The following REL variants were observed in gnomAD, a reference collection of about 807,000 sequenced individuals.
REL encodes the protein REL proto-oncogene, NF-kB subunit.
In REL, 15 loss-of-function variants were observed where a neutral mutation model predicts 45.9. That is an observed-to-expected ratio of 0.33 (90% CI 0.22 to 0.50). The LOEUF (loss-of-function observed/expected upper bound fraction) is 0.50. REL is among the 20% of genes least tolerant of loss of function. REL has a pLI of 0.98. For missense variants in REL, 601 were observed against 715.2 expected (o/e 0.84, Z 1.82); for synonymous variants, 239 against 242.1 (o/e 0.99, Z 0.12).
At chr2:60,920,511 A>G in intron 8 of REL, 63 bp from the exon 9 acceptor site, 1 of 1,346,396 alleles carries the variant, frequency 7.4e-7, no homozygotes, top group Admixed American at 1.7e-5. Context: ...AGTTTTTCAG[A>G]TTTTAACTGA....
At position 60,918,736 on chromosome 2, in the gene REL, TG is replaced by T. The variant is rs1674051961; in HGVS notation, c.853+131del. 6 of 694,920 alleles carry T rather than the reference TG, an allele frequency of 8.6e-6. No homozygotes were observed. In the South Asian group the frequency reaches 1.2e-4, roughly 13 times the overall value. 43.0% of individuals were successfully genotyped at this position (694,920 alleles called of 1,614,324 possible). A position where few individuals can be genotyped will look rare whatever the true frequency, so the allele number is the denominator to read the frequency against. On this transcript the variant is annotated intron_variant, in intron 7 of 9. Transcript: ENST00000394479. ...TATGTTTCTTTTCCTGGAAGCTTTC[TG>T]TTGGTTTTTTCTTTATGCTCTTTGC... is the stretch of plus-strand genomic sequence containing the variant.
At chr2:60,891,612 C>T (rs764304140) in intron 1 of REL, 71 bp from the exon 2 acceptor site, 1 of 1,291,218 alleles carries the variant, frequency 7.7e-7, no homozygotes, top group Non-Finnish European at 1.0e-6. Flanking sequence ...ATAAAAAAAA[C>T]AGAATGTTAA....
intron 4 of REL, among the ~76,000 whole-genome samples, chr2:60,904,585 A>T (rs1036535069): frequency 1.4e-4 from 19 of 138,664 alleles, no homozygotes; most frequent in African/African-American, 3.8e-4. Context: ...AAAAATAATT[A>T]AAAAAAAAAA....
At chr2:60,893,530 C>T (rs1281275901) in intron 2 of REL, among the ~76,000 whole-genome samples, 1 of 152,020 alleles carries the variant, frequency 6.6e-6, no homozygotes, top group Admixed American at 6.6e-5. Flanking sequence ...GTATTTTTAC[C>T]ATTCCAGTAG....
chr2:60,921,027 G>C (rs1314002951), intron 9 of REL, among the ~76,000 whole-genome samples: 2 of 151,482 alleles, frequency 1.3e-5, no homozygotes, highest in East Asian at 3.9e-4. Flanking sequence ...ATGGCAACAG[G>C]GTTGAATAGT....
At chr2:60,898,919 A>C (rs940531701) in intron 3 of REL, 2 of 152,202 alleles carry the variant, frequency 1.3e-5, no homozygotes, top group African/African-American at 4.8e-5. Context: ...AATGTCTGTG[A>C]ATGAATGAAT....
intron 3 of REL, among the ~76,000 whole-genome samples, chr2:60,895,014 G>A (rs1393586131): frequency 4.0e-5 from 6 of 151,318 alleles, no homozygotes; most frequent in African/African-American, 1.2e-4. Flanking sequence ...GCACCACCAC[G>A]CCTGGCTAAT....
chr2:60,889,346 A>G (rs842648), intron 1 of REL, among the ~76,000 whole-genome samples: 15,595 of 152,140 alleles, frequency 0.1, 964 homozygotes, highest in African/African-American at 0.16. Context: ...CTAATAATAT[A>G]TGTTGTTTGC....
At chr2:60,909,084 A>G (rs937611629) in intron 4 of REL, among the ~76,000 whole-genome samples, 1 of 152,108 alleles carries the variant, frequency 6.6e-6, no homozygotes, top group African/African-American at 2.4e-5. Flanking sequence ...TCTTGCTTTC[A>G]GTATTCCTTG....
intron 2 of REL, among the ~76,000 whole-genome samples, chr2:60,893,289 A>G (rs557559789): frequency 7.2e-5 from 11 of 152,348 alleles, no homozygotes; most frequent in African/African-American, 2.6e-4. Context: ...GAATTGCTGA[A>G]TTATAGAATA....
Position 60,922,609 on chromosome 2 carries a change from G to GT in REL, c.*74_*75insT. ...CAGCATTTTGTATTTGTCTAACTGG[G>GT]GATATAATACTATATTTATACTGTA... On this transcript the variant is annotated 3_prime_UTR_variant, in exon 10 of 10. Coordinates refer to ENST00000394479, the MANE Select transcript of REL (RefSeq NM_001291746.2). 7.0e-7 allele frequency: 1 copy of GT among 1,428,954 alleles called. No homozygotes were observed. Among genetic ancestry groups the GT allele is most frequent in the Non-Finnish European group, 9.2e-7 (1 of 1,084,444 alleles). The allele number at this position is 1,428,954 out of a possible 1,614,324, so 88.5% of individuals were successfully genotyped here. A position where few individuals can be genotyped will look rare whatever the true frequency, so the allele number is the denominator to read the frequency against.
At chr2:60,897,697 A>G (rs113038517) in intron 3 of REL, among the ~76,000 whole-genome samples, 74 of 152,048 alleles carry the variant, frequency 4.9e-4, no homozygotes, top group Non-Finnish European at 9.7e-4. Flanking sequence ...AGTAAGTCTG[A>G]TTGCCTTCTC....
chr2:60,926,205 T>A lies in REL; in HGVS notation c.*3670T>A. ...CACCACTTAGTGATTCCTTTCTTTG[T>A]ATAAACATGGTAAATGTCTTCATTA... On this transcript the variant is annotated 3_prime_UTR_variant, in exon 10 of 10. Coordinates refer to ENST00000394479, the MANE Select transcript of REL (RefSeq NM_001291746.2). 1 of 230,966 alleles carries A rather than the reference T, an allele frequency of 4.3e-6. No individual in the cohort carries two copies. The highest frequency in any genetic ancestry group is 8.6e-6 in the Non-Finnish European group (1 of 116,300). 14.3% of individuals were successfully genotyped at this position (230,966 alleles called of 1,614,324 possible).
At chr2:60,884,204 C>T (rs889256725) in intron 1 of REL, among the ~76,000 whole-genome samples, 3 of 151,440 alleles carry the variant, frequency 2.0e-5, no homozygotes, top group Non-Finnish European at 2.9e-5. Context: ...TTATTCATTA[C>T]GAAGTATTTA....
intron 1 of REL, among the ~76,000 whole-genome samples, chr2:60,887,593 C>G (rs1673101941): frequency 6.6e-6 from 1 of 151,074 alleles, no homozygotes; most frequent in Non-Finnish European, 1.5e-5. Flanking sequence ...GGAATAATTG[C>G]TATACACAGA....
Position 60,918,521 on chromosome 2 carries a change from C to G in REL, c.768C>G (p.Pro256=), listed in dbSNP as rs762077937. The G allele has an allele frequency of 2.5e-6, 4 of 1,613,878 alleles. No individual in the cohort carries two copies. The African/African-American group carries it at 4.0e-5, about 16-fold the overall frequency. ...TPPYCKAITE[P]VTVKMQLRRP... ...CATATTGCAAAGCTATCACAGAACC[C>G]GTAACAGTAAAAATGCAGTTGCGGA... The change falls in exon 7 of 10, where the codon CCC becomes CCG. Residue 256 remains proline (P), a synonymous_variant. Transcript: ENST00000394479.
chr2:60,918,809 T>A (rs1674053619), intron 7 of REL, among the ~76,000 whole-genome samples: 1 of 152,212 alleles, frequency 6.6e-6, no homozygotes, highest in African/African-American at 2.4e-5. Flanking sequence ...TGTTTTGTTT[T>A]TGAGACAGAG....
chr2:60,890,507 TAGTC>T (rs771292893), intron 1 of REL, among the ~76,000 whole-genome samples: 3 of 152,214 alleles, frequency 2.0e-5, no homozygotes, highest in Non-Finnish European at 4.4e-5. Context: ...GGATAAGCCT[TAGTC>T]AGCACTAAAG....
chr2:60,886,337 A>G lies in REL; in HGVS notation c.10+4487A>G, dbSNP rs541435852. Among the ~76,000 whole-genome samples the G allele has an allele frequency of 1.4e-4, 22 of 152,324 alleles. 1 individual carries two copies. In the South Asian group the frequency reaches 4.6e-3, roughly 32 times the overall value. On this transcript the variant is annotated intron_variant, in intron 1 of 9. Coordinates refer to ENST00000394479, the MANE Select transcript of REL (RefSeq NM_001291746.2). Reference sequence around the variant, plus strand: ...TTTGGATCTAAATACTCATTTGGCTATACCAGGATGCATTATCTTCTTAAA... The same window carrying G: ...TTTGGATCTAAATACTCATTTGGCTGTACCAGGATGCATTATCTTCTTAAA...
Sources: allele counts gnomAD v4.1 joint callset (sites outside exome capture counted in the v4.1 genomes callset), GRCh38; gene constraint gnomAD v4.1.1; transcripts MANE v1.5; gene names NCBI Gene and HGNC (gene_info 2026-07-23, HGNC 2026-07-21).